ZBED3: variants seen among roughly 807,000 people sequenced by gnomAD.
The protein encoded by ZBED3 is zinc finger BED domain-containing protein 3.
For missense variants in ZBED3, 388 were observed against 362.9 expected (o/e 1.07, Z -0.56); for synonymous variants, 175 against 180.0 (o/e 0.97, Z 0.22).
In ZBED3 at chr5:77,075,990, T is replaced by TACAC. The variant is rs1186960716; in HGVS notation, c.*1183_*1184insGTGT. 1 of 43,342 alleles carries TACAC rather than the reference T, an allele frequency of 2.3e-5. No homozygotes were observed. The highest frequency in any genetic ancestry group is 2.8e-4 in the Admixed American group (1 of 3,594). 2.7% of individuals were successfully genotyped at this position (43,342 alleles called of 1,614,324 possible). A position where few individuals can be genotyped will look rare whatever the true frequency, so the allele number is the denominator to read the frequency against. The stretch of plus-strand genomic sequence containing the variant: ...ATGTATATGTATATATGTATATATA[T>TACAC]ATGTATATATGTATATATATATGTA... On this transcript the variant is annotated 3_prime_UTR_variant, in exon 3 of 3. Coordinates refer to ENST00000255198, the MANE Select transcript of ZBED3 (RefSeq NM_032367.4).
At position 77,077,713 on chromosome 5, in the gene ZBED3, G is replaced by A; in HGVS notation, c.166C>T (p.Pro56Ser). 2 of 1,349,230 alleles carry A rather than the reference G, an allele frequency of 1.5e-6. No homozygotes were observed. Among genetic ancestry groups the A allele is most frequent in the Non-Finnish European group, 1.9e-6 (2 of 1,055,814 alleles). The allele number at this position is 1,349,230 out of a possible 1,614,324, so 83.6% of individuals were successfully genotyped here. A position where few individuals can be genotyped will look rare whatever the true frequency, so the allele number is the denominator to read the frequency against. ...SEAWGYFHLA[P>S]GRPGHPSGHW... ...CCCGACGGATGCCCGGGGCGCCCCG[G>A]CGCCAGGTGGAAGTAGCCCCAGGCC... Residue 56 changes from proline to serine, a missense_variant, in exon 3 of 3, where the codon CCG becomes TCG. Transcript: ENST00000255198.
Position 77,077,060 on chromosome 5 carries a change from A to T in ZBED3, c.*114T>A. 1.3e-6 allele frequency: 1 copy of T among 753,818 alleles called. No individual in the cohort carries two copies. Among genetic ancestry groups the T allele is most frequent in the Non-Finnish European group, 1.8e-6 (1 of 544,348 alleles). The allele number at this position is 753,818 out of a possible 1,614,324, so 46.7% of individuals were successfully genotyped here. A position where few individuals can be genotyped will look rare whatever the true frequency, so the allele number is the denominator to read the frequency against. On this transcript the variant is annotated 3_prime_UTR_variant, in exon 3 of 3. Coordinates refer to ENST00000255198, the MANE Select transcript of ZBED3 (RefSeq NM_032367.4). ...ATCCTACAGTTAGCTGGAGCTTCCG[A>T]GTGAGTAGCGGCTGCGGGCCTGGCT...
chr5:77,077,820 G>A lies in ZBED3; in HGVS notation c.59C>T (p.Ala20Val), dbSNP rs1178250657. The change falls in exon 3 of 3, where the codon GCG becomes GTG. Residue 20 changes from alanine to valine, a missense_variant. Ala to Val is a moderately conservative substitution (Grantham distance 64, BLOSUM62 0). Coordinates refer to ENST00000255198, the MANE Select transcript of ZBED3 (RefSeq NM_032367.4). ...TCCCGGACACTGACCGCCCCGCGCC[G>A]CCGCGTCGTCCAGCCCGCGGGCCTG... ...MDQARGLDDA[A>V]ARGGQCPGLG... 1.5e-6 allele frequency: 2 copies of A among 1,295,536 alleles called. No individual in the cohort carries two copies. The highest frequency in any genetic ancestry group is 2.5e-5 in the South Asian group (1 of 39,728). 80.3% of individuals were successfully genotyped at this position (1,295,536 alleles called of 1,614,324 possible).
intron 1 of ZBED3, among the ~76,000 whole-genome samples, chr5:77,085,035 A>G (rs1210114487): frequency 1.3e-5 from 2 of 152,354 alleles, no homozygotes; most frequent in East Asian, 3.9e-4. Context: ...ATGCCTCTGC[A>G]CTTGCTATAG....
rs1430877388 is a variant in ZBED3 at position 77,075,955 on chromosome 5, ATATATATATATG to A, written c.*1207_*1218del. The A allele has an allele frequency of 2.3e-4, 8 of 35,106 alleles. No individual in the cohort carries two copies. Among genetic ancestry groups the A allele is most frequent in the East Asian group, 1.7e-3 (4 of 2,344 alleles). 2.2% of individuals were successfully genotyped at this position (35,106 alleles called of 1,614,324 possible). On this transcript the variant is annotated 3_prime_UTR_variant, in exon 3 of 3. Transcript: ENST00000255198. Reference sequence around the variant, plus strand: ...AAGTATTATATATACATATATATATATATATATATATGTATATGTATATATGTATATATATAT... The same window carrying A: ...AAGTATTATATATACATATATATATATATATGTATATATGTATATATATAT...
intron 1 of ZBED3, among the ~76,000 whole-genome samples, chr5:77,082,809 G>T (rs1743155277): frequency 6.6e-6 from 1 of 152,160 alleles, no homozygotes; most frequent in Admixed American, 6.5e-5. Flanking sequence ...GTATATCACA[G>T]GATCTCTACA....
rs1055580366 is a variant in ZBED3 at position 77,077,904 on chromosome 5, C to T, written c.-17-9G>A. 1.6e-6 allele frequency: 2 copies of T among 1,248,916 alleles called. No homozygotes were observed. The highest frequency in any genetic ancestry group is 2.0e-6 in the Non-Finnish European group (2 of 997,902). 77.4% of individuals were successfully genotyped at this position (1,248,916 alleles called of 1,614,324 possible). A position where few individuals can be genotyped will look rare whatever the true frequency, so the allele number is the denominator to read the frequency against. On this transcript the variant is annotated splice_polypyrimidine_tract_variant and intron_variant, in intron 2 of 2. Transcript: ENST00000255198. The stretch of plus-strand genomic sequence containing the variant: ...TCTGCGGCGCCCGCACGCTGGGGAG[C>T]AGGGGAAGAATAATAATGAGTGTTA...
Position 77,077,746 on chromosome 5 carries a change from A to T in ZBED3, c.133T>A (p.Tyr45Asn). The change falls in exon 3 of 3, where the codon TAC becomes AAC. Residue 45 changes from tyrosine to asparagine, a missense_variant. By Grantham distance (143) the Tyr-to-Asn change is moderately radical. Transcript: ENST00000255198. The part of the protein sequence containing the change: ...PTPPGRLGAP[Y>N]SEAWGYFHLA... ...TGGAAGTAGCCCCAGGCCTCGGAGT[A>T]TGGCGCCCCCAGGCGGCCGGGAGGC... The T allele has an allele frequency of 9.8e-6, 13 of 1,331,158 alleles. No individual in the cohort carries two copies. Among genetic ancestry groups the T allele is most frequent in the Non-Finnish European group, 1.2e-5 (13 of 1,043,874 alleles). The allele number at this position is 1,331,158 out of a possible 1,614,324, so 82.5% of individuals were successfully genotyped here. A position where few individuals can be genotyped will look rare whatever the true frequency, so the allele number is the denominator to read the frequency against.
chr5:77,078,670 G>C lies in ZBED3; in HGVS notation c.-94C>G, dbSNP rs1321534417. 1 of 152,192 alleles carries C rather than the reference G, an allele frequency of 6.6e-6. No homozygotes were observed. The highest frequency in any genetic ancestry group is 1.5e-5 in the Non-Finnish European group (1 of 68,042). The allele number at this position is 152,192 out of a possible 1,614,324, so 9.4% of individuals were successfully genotyped here. ...TGCCTCAGGGTTTCCAACCATCTCAGGTGGGTAGAAACAATGCATGCAACA... is the reference window on the plus strand; with the variant it reads ...TGCCTCAGGGTTTCCAACCATCTCACGTGGGTAGAAACAATGCATGCAACA... On this transcript the variant is annotated 5_prime_UTR_variant, in exon 2 of 3. Transcript: ENST00000255198.
rs1266324346 is a variant in ZBED3 at position 77,073,511 on chromosome 5, T to C, written c.*3663A>G. 2.6e-5 allele frequency: 4 copies of C among 152,174 alleles called. No homozygotes were observed. The highest frequency in any genetic ancestry group is 4.8e-5 in the African/African-American group (2 of 41,440). The allele number at this position is 152,174 out of a possible 1,614,324, so 9.4% of individuals were successfully genotyped here. ...GCAGTTTTACAGAGGTGACAGGATT[T>C]TGGGGTGTTGTTTTTTTCTGTTCTT... On this transcript the variant is annotated 3_prime_UTR_variant, in exon 3 of 3. Transcript: ENST00000255198.
chr5:77,082,439 C>T (rs550073067), intron 1 of ZBED3, among the ~76,000 whole-genome samples: 1 of 152,132 alleles, frequency 6.6e-6, no homozygotes, highest in Admixed American at 6.5e-5. Context: ...GAATGCCTAC[C>T]ACCAGGAAAA....
Position 77,074,729 on chromosome 5 carries a change from CAG to C in ZBED3, c.*2443_*2444del, listed in dbSNP as rs1283433722. 1 of 152,076 alleles carries C rather than the reference CAG, an allele frequency of 6.6e-6. No homozygotes were observed. Among genetic ancestry groups the C allele is most frequent in the Admixed American group, 6.5e-5 (1 of 15,282 alleles). 9.4% of individuals were successfully genotyped at this position (152,076 alleles called of 1,614,324 possible). Reference sequence around the variant, plus strand: ...TGTCAGCTGGGTCGACTGAAGGAAGCAGAGATCTCAGGAAGCAGTACATGGTG... The same window carrying C: ...TGTCAGCTGGGTCGACTGAAGGAAGCAGATCTCAGGAAGCAGTACATGGTG... On this transcript the variant is annotated 3_prime_UTR_variant, in exon 3 of 3. Transcript: ENST00000255198.
chr5:77,077,703 G>T lies in ZBED3; in HGVS notation c.176C>A (p.Pro59His). 1 of 1,347,582 alleles carries T rather than the reference G, an allele frequency of 7.4e-7. No individual in the cohort carries two copies. Among genetic ancestry groups the T allele is most frequent in the Admixed American group, 3.8e-5 (1 of 26,488 alleles). The allele number at this position is 1,347,582 out of a possible 1,614,324, so 83.5% of individuals were successfully genotyped here. ...GGCCCAGTGGCCCGACGGATGCCCG[G>T]GGCGCCCCGGCGCCAGGTGGAAGTA... is the stretch of plus-strand genomic sequence containing the variant. ...WGYFHLAPGRPGHPSGHWATC... is the reference protein window; with the variant it reads ...WGYFHLAPGRHGHPSGHWATC... The change falls in exon 3 of 3, where the codon CCC becomes CAC. Residue 59 changes from proline to histidine, a missense_variant. Pro to His is a moderately conservative substitution (Grantham distance 77). Coordinates refer to ENST00000255198, the MANE Select transcript of ZBED3 (RefSeq NM_032367.4).
At chr5:77,082,691 A>G (rs1055176936) in intron 1 of ZBED3, among the ~76,000 whole-genome samples, 11 of 152,214 alleles carry the variant, frequency 7.2e-5, no homozygotes, top group Non-Finnish European at 1.6e-4. Context: ...AGGCAATGGT[A>G]ACTGATGTGA....
At position 77,072,771 on chromosome 5, in the gene ZBED3, C is replaced by T. The variant is rs1742909276; in HGVS notation, c.*4403G>A. ...TGTGTAGGTGTTCTCAGGAATCCTC[C>T]CAGGGAACCTGCTCTTGTGGGTTCC... is the stretch of plus-strand genomic sequence containing the variant. On this transcript the variant is annotated 3_prime_UTR_variant, in exon 3 of 3. Coordinates refer to ENST00000255198, the MANE Select transcript of ZBED3 (RefSeq NM_032367.4). 6.6e-6 allele frequency: 1 copy of T among 152,126 alleles called. No individual in the cohort carries two copies. The highest frequency in any genetic ancestry group is 1.9e-4 in the East Asian group (1 of 5,188). The allele number at this position is 152,126 out of a possible 1,614,324, so 9.4% of individuals were successfully genotyped here.
At position 77,073,627 on chromosome 5, in the gene ZBED3, C is replaced by T. The variant is rs1742922357; in HGVS notation, c.*3547G>A. ...AATGGTTGATTGGCTTCAAACCAAA[C>T]AGTCCAATAACTGACGCATTAAATC... On this transcript the variant is annotated 3_prime_UTR_variant, in exon 3 of 3. Coordinates refer to ENST00000255198, the MANE Select transcript of ZBED3 (RefSeq NM_032367.4). The T allele has an allele frequency of 6.6e-6, 1 of 152,168 alleles. No homozygotes were observed. The highest frequency in any genetic ancestry group is 6.5e-5 in the Admixed American group (1 of 15,278). 9.4% of individuals were successfully genotyped at this position (152,168 alleles called of 1,614,324 possible).
Position 77,073,047 on chromosome 5 carries a change from G to A in ZBED3, c.*4127C>T, listed in dbSNP as rs1363296594. On this transcript the variant is annotated 3_prime_UTR_variant, in exon 3 of 3. Coordinates refer to ENST00000255198, the MANE Select transcript of ZBED3 (RefSeq NM_032367.4). ...CGTTGGAGATTTTATTTTAACTAAG[G>A]ATGCTGAATGCTGAAGGAGAGGAAT... is the stretch of plus-strand genomic sequence containing the variant. The A allele has an allele frequency of 1.3e-5, 2 of 150,658 alleles. No homozygotes were observed. Among genetic ancestry groups the A allele is most frequent in the East Asian group, 3.9e-4 (2 of 5,184 alleles). The allele number at this position is 150,658 out of a possible 1,614,324, so 9.3% of individuals were successfully genotyped here.
intron 1 of ZBED3, among the ~76,000 whole-genome samples, chr5:77,083,626 A>G (rs1743175998): frequency 6.6e-6 from 1 of 152,186 alleles, no homozygotes; most frequent in Non-Finnish European, 1.5e-5. Context: ...AACTACCGAT[A>G]TTTACTGCTC....
In ZBED3 at chr5:77,075,934, A is replaced by ATTTTTT. The variant is rs1233808881; in HGVS notation, c.*1239_*1240insAAAAAA. On this transcript the variant is annotated 3_prime_UTR_variant, in exon 3 of 3. Transcript: ENST00000255198. ...TGACATGCACCCTAGAACTTAAAGT[A>ATTTTTT]TTATATATACATATATATATATATA... The ATTTTTT allele has an allele frequency of 1.8e-5, 1 of 55,314 alleles. No individual in the cohort carries two copies. Among genetic ancestry groups the ATTTTTT allele is most frequent in the Non-Finnish European group, 3.3e-5 (1 of 29,998 alleles). 3.4% of individuals were successfully genotyped at this position (55,314 alleles called of 1,614,324 possible). A position where few individuals can be genotyped will look rare whatever the true frequency, so the allele number is the denominator to read the frequency against.
Sources: gnomAD v4.1 joint callset for allele counts (sites outside exome capture counted in the v4.1 genomes callset) on GRCh38, gnomAD v4.1.1 for gene constraint, MANE v1.5 for transcripts, NCBI Gene and HGNC (gene_info 2026-07-23, HGNC 2026-07-21) for gene names.